The following OR5B2 variants were observed in gnomAD, a reference collection of about 807,000 sequenced individuals.
OR5B2 encodes olfactory receptor 5B2.
For missense variants in OR5B2, 411 were observed against 367.0 expected, an observed-to-expected ratio of 1.12 and a Z score of -0.98; for synonymous variants, 163 against 140.8, an observed-to-expected ratio of 1.16 and a Z score of -1.11.
At position 58,422,757 on chromosome 11, in the gene OR5B2, A is replaced by G; in HGVS notation, c.505T>C (p.Ser169Pro). ...GGIFSLSFCKSNLVHHFFCDV... is the reference protein window; with the variant it reads ...GGIFSLSFCKPNLVHHFFCDV... ...CAGAAAAAGTGATGTACCAGATTGGATTTACAGAAAGAGAGACTGAATATG... is the reference window on the plus strand; with the variant it reads ...CAGAAAAAGTGATGTACCAGATTGGGTTTACAGAAAGAGAGACTGAATATG... The change falls in exon 3 of 3, where the codon TCC (serine) becomes CCC (proline). Residue 169 changes from serine to proline, a missense_variant. Physicochemically the swap from Ser to Pro is moderately conservative, Grantham distance 74. Coordinates refer to ENST00000641342, the MANE Select transcript of OR5B2 (RefSeq NM_001005566.3). The G allele has an allele frequency of 6.2e-7, 1 of 1,613,878 alleles. No homozygotes were observed. Among genetic ancestry groups the G allele is most frequent in the East Asian group, 2.2e-5 (1 of 44,862 alleles).
At chr11:58,423,359 T>C in intron 2 of OR5B2, 70 bp from the exon 3 acceptor site, 1 of 651,284 alleles carries the variant, frequency 1.5e-6, no homozygotes, top group Non-Finnish European at 2.5e-6. Flanking sequence ...ATAAATACTA[T>C]ATGCATTATG....
chr11:58,422,922 CCAA>C lies in OR5B2; in HGVS notation c.337_339del (p.Leu113del), dbSNP rs746936240. ...GCATAGCGGTCATAGGCCATTGAGG[CCAA>C]CAAGTAATTTTCCACCGTGGCCAAG... On this transcript the variant is annotated inframe_deletion, in exon 3 of 3. Coordinates refer to ENST00000641342, the MANE Select transcript of OR5B2 (RefSeq NM_001005566.3). The C allele has an allele frequency of 1.2e-6, 2 of 1,613,718 alleles. No homozygotes were observed. The highest frequency in any genetic ancestry group is 1.7e-6 in the Non-Finnish European group (2 of 1,179,846).
chr11:58,424,928 G>A (rs776187083), intron 2 of OR5B2, among the ~76,000 whole-genome samples: 25 of 152,020 alleles, frequency 1.6e-4, no homozygotes, highest in Non-Finnish European at 3.2e-4. Flanking sequence ...ACCATTATAA[G>A]AATTTGATAT....
rs1371893078 is a variant in OR5B2 at position 58,421,900 on chromosome 11, C to T, written c.*432G>A. ...ATAATACTAAATTAATTACTTACATCCTTTATATAAAAACTAGCCACACTC... is the reference window on the plus strand; with the variant it reads ...ATAATACTAAATTAATTACTTACATTCTTTATATAAAAACTAGCCACACTC... On this transcript the variant is annotated 3_prime_UTR_variant, in exon 3 of 3. Coordinates refer to ENST00000641342, the MANE Select transcript of OR5B2 (RefSeq NM_001005566.3). The T allele has an allele frequency of 1.3e-5, 2 of 154,898 alleles. No individual in the cohort carries two copies. The highest frequency in any genetic ancestry group is 4.8e-5 in the African/African-American group (2 of 41,432). The allele number at this position is 154,898 out of a possible 1,614,324, so 9.6% of individuals were successfully genotyped here.
At chr11:58,424,510 G>A (rs1395721245) in intron 2 of OR5B2, among the ~76,000 whole-genome samples, 1 of 151,942 alleles carries the variant, frequency 6.6e-6, no homozygotes, top group Non-Finnish European at 1.5e-5. Flanking sequence ...TGGTTTCGCA[G>A]CATCTCCTTT....
rs978604740 is a variant in OR5B2, at chr11:58,422,266, C to A, written c.*66G>T. ...GTGGGGTTTCAAATGTAACTCATTGCATGAGGAAAGTCTGAGATGAGGGAA... is the reference window on the plus strand; with the variant it reads ...GTGGGGTTTCAAATGTAACTCATTGAATGAGGAAAGTCTGAGATGAGGGAA... On this transcript the variant is annotated 3_prime_UTR_variant, in exon 3 of 3. Coordinates refer to ENST00000641342, the MANE Select transcript of OR5B2 (RefSeq NM_001005566.3). The A allele has an allele frequency of 2.1e-6, 2 of 950,868 alleles. No homozygotes were observed. The highest frequency in any genetic ancestry group is 2.1e-5 in the Admixed American group (1 of 48,608). The allele number at this position is 950,868 out of a possible 1,614,324, so 58.9% of individuals were successfully genotyped here.
In OR5B2 at chr11:58,422,194, T is replaced by C; in HGVS notation, c.*138A>G. On this transcript the variant is annotated 3_prime_UTR_variant, in exon 3 of 3. Transcript: ENST00000641342. ...TAATATTTTATTTTTATTAAAAAAT[T>C]GACTTCTAAAGAGGTAAGAATATCA... 1 of 499,824 alleles carries C rather than the reference T, an allele frequency of 2.0e-6. No homozygotes were observed. Among genetic ancestry groups the C allele is most frequent in the Non-Finnish European group, 3.5e-6 (1 of 282,012 alleles). The allele number at this position is 499,824 out of a possible 1,614,324, so 31.0% of individuals were successfully genotyped here.
intron 1 of OR5B2, among the ~76,000 whole-genome samples, chr11:58,427,093 G>T (rs920986494): frequency 6.6e-6 from 1 of 152,272 alleles, no homozygotes; most frequent in East Asian, 1.9e-4. Flanking sequence ...ATAGAGTCAT[G>T]TTGGGATGTT....
intron 2 of OR5B2, among the ~76,000 whole-genome samples, chr11:58,425,159 C>T (rs544109965): frequency 6.6e-6 from 1 of 152,064 alleles, no homozygotes; most frequent in Non-Finnish European, 1.5e-5. Context: ...GTTTGAAGAG[C>T]TGTCAATTCA....
At chr11:58,426,487 T>C (rs1405778101) in intron 2 of OR5B2, 135 bp downstream of exon 2, 2 of 152,260 alleles carry the variant, frequency 1.3e-5, no homozygotes, top group African/African-American at 2.4e-5. Flanking sequence ...AATAGCGTGA[T>C]AGCATGAAAA....
intron 2 of OR5B2, among the ~76,000 whole-genome samples, chr11:58,425,735 C>A (rs959637353): frequency 2.6e-5 from 4 of 152,068 alleles, no homozygotes; most frequent in South Asian, 2.1e-4. Context: ...TGTGCAGATT[C>A]TCTTTTATGT....
In OR5B2 at chr11:58,421,346, A is replaced by C. The variant is rs1389196959; in HGVS notation, c.*986T>G. The C allele has an allele frequency of 6.6e-6, 1 of 152,156 alleles. No homozygotes were observed. The highest frequency in any genetic ancestry group is 2.4e-5 in the African/African-American group (1 of 41,452). The allele number at this position is 152,156 out of a possible 1,614,324, so 9.4% of individuals were successfully genotyped here. Reference sequence around the variant, plus strand: ...TACCACTTGACAATAGACAATATTCAGTGCTAAAATGAAATGAGCTATCAA... The same window carrying C: ...TACCACTTGACAATAGACAATATTCCGTGCTAAAATGAAATGAGCTATCAA... On this transcript the variant is annotated 3_prime_UTR_variant, in exon 3 of 3. Coordinates refer to ENST00000641342, the MANE Select transcript of OR5B2 (RefSeq NM_001005566.3).
chr11:58,423,787 T>C (rs776363459), intron 2 of OR5B2, among the ~76,000 whole-genome samples: 18 of 152,200 alleles, frequency 1.2e-4, no homozygotes, highest in Non-Finnish European at 2.4e-4. Flanking sequence ...GTCAAGCCTA[T>C]CTTCTGGCTC....
In OR5B2 at chr11:58,428,071, G is replaced by A. The variant is rs568797080; in HGVS notation, c.-136C>T. On this transcript the variant is annotated 5_prime_UTR_variant, in exon 1 of 3. Coordinates refer to ENST00000641342, the MANE Select transcript of OR5B2 (RefSeq NM_001005566.3). The stretch of plus-strand genomic sequence containing the variant: ...CAGAATGGAGAGGCAAGAATAGCAT[G>A]GGCTTCAGCTGTGGACAATGGAATT... 1 of 152,468 alleles carries A rather than the reference G, an allele frequency of 6.6e-6. No homozygotes were observed. Among genetic ancestry groups the A allele is most frequent in the South Asian group, 2.1e-4 (1 of 4,822 alleles). The allele number at this position is 152,468 out of a possible 1,614,324, so 9.4% of individuals were successfully genotyped here.
At position 58,423,290 on chromosome 11, in the gene OR5B2, C is replaced by A. The variant is rs1399279094; in HGVS notation, c.-28-1G>T. 2 of 1,379,414 alleles carry A rather than the reference C, an allele frequency of 1.4e-6. No individual in the cohort carries two copies. The highest frequency in any genetic ancestry group is 1.4e-5 in the South Asian group (1 of 71,396). 85.4% of individuals were successfully genotyped at this position (1,379,414 alleles called of 1,614,324 possible). A position where few individuals can be genotyped will look rare whatever the true frequency, so the allele number is the denominator to read the frequency against. ...TATTATCTGAGAAACTTAAGATGAC[C>A]TGTAGCAATGAGAAATAAAGCAATA... On this transcript the variant is annotated splice_acceptor_variant, in intron 2 of 2. Transcript: ENST00000641342. LOFTEE classifies it low-confidence loss of function (5UTR_SPLICE).
rs1056752847 is a variant in OR5B2 at position 58,428,114 on chromosome 11, G to C, written c.-179C>G. The C allele has an allele frequency of 6.6e-6, 1 of 152,276 alleles. No homozygotes were observed. Among genetic ancestry groups the C allele is most frequent in the African/African-American group, 2.4e-5 (1 of 41,450 alleles). 9.4% of individuals were successfully genotyped at this position (152,276 alleles called of 1,614,324 possible). On this transcript the variant is annotated 5_prime_UTR_variant, in exon 1 of 3. Coordinates refer to ENST00000641342, the MANE Select transcript of OR5B2 (RefSeq NM_001005566.3). ...ATGGAATTGGGAATCCACCTTGCAG[G>C]ACAAGACCAGGAGGGTTTGAGTCTG...
At position 58,422,411 on chromosome 11, in the gene OR5B2, T is replaced by C. The variant is rs1280487828; in HGVS notation, c.851A>G (p.Asn284Ser). 1 of 1,613,692 alleles carries C rather than the reference T, an allele frequency of 6.2e-7. No homozygotes were observed. Among genetic ancestry groups the C allele is most frequent in the Non-Finnish European group, 8.5e-7 (1 of 1,179,788 alleles). ...GTTCCTCAGGCTGTAGACCACAGGG[T>C]TCAGCATGGGGATGATCATAGCATA... ...VFYAMIIPML[N>S]PVVYSLRNRE... Residue 284 changes from asparagine (N) to serine (S), a missense_variant, in exon 3 of 3, where the codon AAC (asparagine) becomes AGC (serine). Coordinates refer to ENST00000641342, the MANE Select transcript of OR5B2 (RefSeq NM_001005566.3).
At position 58,422,342 on chromosome 11, in the gene OR5B2, T is replaced by G. The variant is rs1206782187; in HGVS notation, c.920A>C (p.Lys307Thr). 1.9e-6 allele frequency: 3 copies of G among 1,599,968 alleles called. No individual in the cohort carries two copies. Among genetic ancestry groups the G allele is most frequent in the East Asian group, 2.2e-5 (1 of 44,592 alleles). Residue 307 changes from lysine to threonine, a missense_variant, in exon 3 of 3, where the codon AAA becomes ACA. Physicochemically the swap from Lys to Thr is moderately conservative, Grantham distance 78. Transcript: ENST00000641342. ...GTTAAAATTCCAAACTTATAGAAAT[T>G]TTTGCCTTCTCAACACTTTCTTGAA... ...NAFKKVLRRQ[K>T]FL
chr11:58,424,129 A>G lies in OR5B2; in HGVS notation c.-28-840T>C, dbSNP rs536885640. On this transcript the variant is annotated intron_variant, in intron 2 of 2. Transcript: ENST00000641342. ...CTTATTTATTTTATCTGCAGAATGA[A>G]AATATTAATGAGATCAACCTCAAGG... Among the ~76,000 whole-genome samples, 174 of 152,310 alleles carry G rather than the reference A, an allele frequency of 1.1e-3. 1 individual carries two copies. The highest frequency in any genetic ancestry group is 3.8e-3 in the African/African-American group (156 of 41,576).
Sources: allele counts gnomAD v4.1 joint callset (sites outside exome capture counted in the v4.1 genomes callset), GRCh38; gene constraint gnomAD v4.1.1; transcripts MANE v1.5; gene names NCBI Gene and HGNC (gene_info 2026-07-23, HGNC 2026-07-21).